Variants in CPD observed in about 807,000 individuals in gnomAD.
The protein encoded by CPD is carboxypeptidase D.
CPD carries 69 observed loss-of-function variants against 138.3 expected under a neutral mutation model. That is an observed-to-expected ratio of 0.50 (90% confidence interval 0.41 to 0.61). The LOEUF is 0.61. Among genes scored for constraint, CPD ranks in the 20% least tolerant of loss-of-function variants. CPD has a pLI of 0.00. For missense variants in CPD, 1,432 were observed against 1,733.3 expected (o/e 0.83, Z 3.09); for synonymous variants, 651 against 642.1 (o/e 1.01, Z -0.21).
chr17:30,416,338 A>G (rs1912106393), intron 2 of CPD, among the ~76,000 whole-genome samples: 1 of 152,274 alleles, frequency 6.6e-6, no homozygotes, highest in African/African-American at 2.4e-5. Flanking sequence ...GTCTCAAAAA[A>G]AAGAAAATGT....
chr17:30,391,666 C>CGT (rs139277481), intron 2 of CPD, among the ~76,000 whole-genome samples: 127 of 151,614 alleles, frequency 8.4e-4, no homozygotes, highest in African/African-American at 2.4e-3. Flanking sequence ...TAGCTGTGTG[C>CGT]GTGTGTGTGT....
chr17:30,464,765 A>G lies in CPD; in HGVS notation c.4094A>G (p.Gln1365Arg). The G allele has an allele frequency of 6.2e-7, 1 of 1,614,036 alleles. No individual in the cohort carries two copies. The highest frequency in any genetic ancestry group is 8.5e-7 in the Non-Finnish European group (1 of 1,179,898). ...AAGTCCCTCCTAAGCCATGAGTTCC[A>G]GGATGAAACAGACACTGAAGAGGAA... ...SKKSLLSHEF[Q>R]DETDTEEETL... is the part of the protein sequence containing the mutation. Residue 1365 changes from glutamine (Q) to arginine (R), a missense_variant, in exon 21 of 21, where the codon CAG becomes CGG. Coordinates refer to ENST00000225719, the MANE Select transcript of CPD (RefSeq NM_001304.5).
At position 30,467,081 on chromosome 17, in the gene CPD, G is replaced by T. The variant is rs1597741961; in HGVS notation, c.*2267G>T. 1 of 152,554 alleles carries T rather than the reference G, an allele frequency of 6.6e-6. No homozygotes were observed. Among genetic ancestry groups the T allele is most frequent in the Admixed American group, 6.6e-5 (1 of 15,258 alleles). The allele number at this position is 152,554 out of a possible 1,614,324, so 9.5% of individuals were successfully genotyped here. Reference sequence around the variant, plus strand: ...GCCCTGCCCTGTCTTTTATTTGCGGGTCTAATCTAATATTAGAATATATTA... The same window carrying T: ...GCCCTGCCCTGTCTTTTATTTGCGGTTCTAATCTAATATTAGAATATATTA... On this transcript the variant is annotated 3_prime_UTR_variant, in exon 21 of 21. Transcript: ENST00000225719.
chr17:30,409,739 C>T (rs1028136406), intron 2 of CPD, among the ~76,000 whole-genome samples: 2 of 108,630 alleles, frequency 1.8e-5, no homozygotes, highest in Non-Finnish European at 3.7e-5. Context: ...TTTGATTCTT[C>T]TCTCTTTTCT....
chr17:30,422,473 T>C (rs1352462396), intron 4 of CPD, among the ~76,000 whole-genome samples: 1 of 152,196 alleles, frequency 6.6e-6, no homozygotes, highest in Non-Finnish European at 1.5e-5. Context: ...GAAGATTTGG[T>C]GAGAGAAATA....
At chr17:30,447,728 T>C (rs1475560491) in intron 12 of CPD, among the ~76,000 whole-genome samples, 2 of 152,160 alleles carry the variant, frequency 1.3e-5, no homozygotes, top group African/African-American at 4.8e-5. Flanking sequence ...ACATGTGTGA[T>C]CGTGGGTCCC....
chr17:30,405,109 CAT>C (rs1911772365), intron 2 of CPD, among the ~76,000 whole-genome samples: 1 of 152,074 alleles, frequency 6.6e-6, no homozygotes, highest in Non-Finnish European at 1.5e-5. Flanking sequence ...GCCCGGAAGA[CAT>C]AAATACAGTC....
chr17:30,421,557 G>A lies in CPD; in HGVS notation c.1138-107G>A. The A allele has an allele frequency of 1.1e-5, 10 of 900,942 alleles. No individual in the cohort carries two copies. The South Asian group carries it at 1.5e-4, about 14-fold the overall frequency. The allele number at this position is 900,942 out of a possible 1,614,324, so 55.8% of individuals were successfully genotyped here. The stretch of plus-strand genomic sequence containing the variant: ...GATTGAAAATGTTTTGGGGGAGAGA[G>A]AAGAGTCACTTTATTTTTTAGAAAT... On this transcript the variant is annotated intron_variant, in intron 3 of 20. Transcript: ENST00000225719.
intron 13 of CPD, 28 bp from the exon 14 acceptor site, chr17:30,451,683 A>G: frequency 6.2e-7 from 1 of 1,607,522 alleles, no homozygotes; most frequent in Non-Finnish European, 8.5e-7. Context: ...TGCAGCTAGT[A>G]ACTCGTTAAT....
chr17:30,449,244 G>C (rs1567882039), intron 12 of CPD, among the ~76,000 whole-genome samples: 1 of 152,096 alleles, frequency 6.6e-6, no homozygotes, highest in Admixed American at 6.5e-5. Flanking sequence ...CTAAATAGTA[G>C]TGTAGATTAA....
chr17:30,431,726 A>C, intron 7 of CPD, 46 bp from the exon 8 acceptor site: 1 of 1,256,646 alleles, frequency 8.0e-7, no homozygotes, highest in Non-Finnish European at 1.2e-6. Context: ...TTAATAATCC[A>C]TCTTGAAACA....
At chr17:30,419,256 T>A (rs975531585) in intron 2 of CPD, among the ~76,000 whole-genome samples, 1 of 152,226 alleles carries the variant, frequency 6.6e-6, no homozygotes, top group Non-Finnish European at 1.5e-5. Flanking sequence ...AACTATGACA[T>A]TGACCTTTCT....
At chr17:30,419,374 C>G (rs868165981) in intron 2 of CPD, among the ~76,000 whole-genome samples, 5 of 152,154 alleles carry the variant, frequency 3.3e-5, no homozygotes, top group South Asian at 2.1e-4. Context: ...GAGTCGCACT[C>G]TGTTGCCCAG....
chr17:30,424,885 A>G (rs949180780), intron 6 of CPD, among the ~76,000 whole-genome samples: 1 of 152,202 alleles, frequency 6.6e-6, no homozygotes, highest in African/African-American at 2.4e-5. Flanking sequence ...TGACCTGACC[A>G]TTGGGAGGAT....
chr17:30,418,154 C>A (rs1169615234), intron 2 of CPD, among the ~76,000 whole-genome samples: 1 of 151,822 alleles, frequency 6.6e-6, no homozygotes, highest in African/African-American at 2.4e-5. Flanking sequence ...GTGGCATAGA[C>A]CCATAATATC....
intron 1 of CPD, chr17:30,380,751 A>G (rs1336347444): frequency 2.8e-6 from 2 of 710,242 alleles, no homozygotes; most frequent in Non-Finnish European, 4.4e-6. Context: ...AGCTTGAGCT[A>G]TCTCCAGAGA....
Position 30,397,084 on chromosome 17 carries a change from T to G in CPD, c.994+11848T>G, listed in dbSNP as rs184517660. Among the ~76,000 whole-genome samples the G allele has an allele frequency of 3.7e-4, 57 of 152,302 alleles. 1 individual carries two copies. Among genetic ancestry groups the G allele is most frequent in the African/African-American group, 1.3e-3 (53 of 41,568 alleles). ...AAAAGGAACAATTTGGTGATTACTT[T>G]AATGGTTAAACAGTACCATAAGAGC... is the stretch of plus-strand genomic sequence containing the variant. On this transcript the variant is annotated intron_variant, in intron 2 of 20. Coordinates refer to ENST00000225719, the MANE Select transcript of CPD (RefSeq NM_001304.5).
At position 30,461,969 on chromosome 17, in the gene CPD, A is replaced by G. The variant is rs1913487957; in HGVS notation, c.3723A>G (p.Gln1241=). Residue 1241 remains glutamine (Q), a synonymous_variant, in exon 19 of 21, where the codon CAA becomes CAG. Transcript: ENST00000225719. Reference sequence around the variant, plus strand: ...TACTTAATGAAGGAATAAAGGTACAAACAAAAGAGGGAGGTTATTTCCATG... The same window carrying G: ...TACTTAATGAAGGAATAAAGGTACAGACAAAAGAGGGAGGTTATTTCCATG... The part of the protein sequence containing the change: ...VIVLNEGIKV[Q]TKEGGYFHVL... 6.2e-7 allele frequency: 1 copy of G among 1,613,902 alleles called. No homozygotes were observed. Among genetic ancestry groups the G allele is most frequent in the Admixed American group, 1.7e-5 (1 of 59,994 alleles).
chr17:30,458,371 GT>G (rs1293273530), intron 17 of CPD, among the ~76,000 whole-genome samples: 1 of 152,170 alleles, frequency 6.6e-6, no homozygotes, highest in Non-Finnish European at 1.5e-5. Flanking sequence ...CAGTGTACCT[GT>G]TTTTGTTGTT....
Sources: gnomAD v4.1 joint callset for allele counts (sites outside exome capture counted in the v4.1 genomes callset) on GRCh38, gnomAD v4.1.1 for gene constraint, MANE v1.5 for transcripts, NCBI Gene and HGNC (gene_info 2026-07-23, HGNC 2026-07-21) for gene names.